PBX3: variants seen among roughly 807,000 people sequenced by gnomAD.
The protein encoded by PBX3 is pre-B-cell leukemia transcription factor 3.
A neutral mutation model predicts 48.5 loss-of-function variants in PBX3; 14 were observed. That is an observed-to-expected ratio of 0.29 (90% CI 0.19 to 0.45). The LOEUF (loss-of-function observed/expected upper bound fraction) is 0.45, where lower values mean the gene tolerates loss of function less well. PBX3 is among the 20% of genes least tolerant of loss of function. The pLI, the probability that PBX3 is intolerant of heterozygous loss-of-function variation, is 1.00. For synonymous variants in PBX3, 210 were observed against 200.3 expected, an observed-to-expected ratio of 1.05 and a Z score of -0.41; for missense variants, 386 against 546.7, an observed-to-expected ratio of 0.71 and a Z score of 2.93.
intron 2 of PBX3, among the ~76,000 whole-genome samples, chr9:125,763,849 CCT>C (rs1836733465): frequency 1.3e-5 from 2 of 152,182 alleles, no homozygotes; most frequent in Non-Finnish European, 2.9e-5. Flanking sequence ...AGCAATTTTT[CCT>C]CTCTGGTTTT....
intron 2 of PBX3, among the ~76,000 whole-genome samples, chr9:125,822,695 G>A (rs1384396533): frequency 2.6e-5 from 4 of 152,038 alleles, no homozygotes; most frequent in Non-Finnish European, 5.9e-5. Context: ...AACTTGGATT[G>A]TAATTTGAAT....
chr9:125,852,564 G>C (rs1839612000), intron 2 of PBX3, among the ~76,000 whole-genome samples: 1 of 152,148 alleles, frequency 6.6e-6, no homozygotes, highest in South Asian at 2.1e-4. Context: ...TAAACAGCCT[G>C]AATGTGTACT....
chr9:125,833,853 G>C (rs1420316915), intron 2 of PBX3, among the ~76,000 whole-genome samples: 1 of 152,066 alleles, frequency 6.6e-6, no homozygotes, highest in Admixed American at 6.5e-5. Context: ...TTTTTCTTTG[G>C]TATATACCTT....
At chr9:125,961,604 T>G (rs2118820830) in intron 6 of PBX3, among the ~76,000 whole-genome samples, 1 of 152,238 alleles carries the variant, frequency 6.6e-6, no homozygotes, top group East Asian at 1.9e-4. Context: ...TTTTGTTTGT[T>G]TTGTCTTGTC....
chr9:125,834,931 C>G (rs894708191), intron 2 of PBX3, among the ~76,000 whole-genome samples: 1 of 136,288 alleles, frequency 7.3e-6, no homozygotes. Flanking sequence ...GCAGGAGAAT[C>G]GCTTGAATCT....
Position 125,919,298 on chromosome 9 carries a change from C to A in PBX3, c.516+3371C>A, listed in dbSNP as rs1009893686. On this transcript the variant is annotated intron_variant, in intron 3 of 8. Coordinates refer to ENST00000373489, the MANE Select transcript of PBX3 (RefSeq NM_006195.6). Reference sequence around the variant, plus strand: ...GTGCAATCTCGGCTCACTGCGACCTCCGCTTCCCAGGTTCAAGCAATTCTC... The same window carrying A: ...GTGCAATCTCGGCTCACTGCGACCTACGCTTCCCAGGTTCAAGCAATTCTC... 1.1e-4 allele frequency among the ~76,000 whole-genome samples: 17 copies of A among 151,632 alleles called. 1 individual carries two copies.
intron 3 of PBX3, among the ~76,000 whole-genome samples, chr9:125,922,454 CT>C (rs1841477407): frequency 6.6e-6 from 1 of 152,090 alleles, no homozygotes; most frequent in African/African-American, 2.4e-5. Flanking sequence ...TCAAGGCATA[CT>C]TTTATTTCCC....
chr9:125,942,093 A>G (rs1212008303), intron 5 of PBX3, among the ~76,000 whole-genome samples: 1 of 152,272 alleles, frequency 6.6e-6, no homozygotes, highest in East Asian at 1.9e-4. Flanking sequence ...ATAATAGTCT[A>G]ATATAAATAA....
At chr9:125,844,295 T>A (rs1212901316) in intron 2 of PBX3, among the ~76,000 whole-genome samples, 1 of 151,676 alleles carries the variant, frequency 6.6e-6, no homozygotes, top group East Asian at 1.9e-4. Flanking sequence ...GCCACCTTTT[T>A]TTTTTTTTTT....
At chr9:125,949,456 C>G (rs572427208) in intron 5 of PBX3, 3 of 1,550,578 alleles carry the variant, frequency 1.9e-6, no homozygotes, top group Non-Finnish European at 2.6e-6. Context: ...TATTCACAGG[C>G]TCCCTGAAGG....
In PBX3 at chr9:125,747,440, C is replaced by T; in HGVS notation, c.-14C>T. On this transcript the variant is annotated 5_prime_UTR_variant, in exon 1 of 9. Transcript: ENST00000373489. ...CGCCTCAGCCGCCGCCCGCTCCCGC[C>T]CGCGCGCGGCGGGATGGACGATCAA... 7 of 1,471,426 alleles carry T rather than the reference C, an allele frequency of 4.8e-6. No homozygotes were observed. Among genetic ancestry groups the T allele is most frequent in the South Asian group, 1.3e-5 (1 of 74,410 alleles). The allele number at this position is 1,471,426 out of a possible 1,614,324, so 91.1% of individuals were successfully genotyped here. A position where few individuals can be genotyped will look rare whatever the true frequency, so the allele number is the denominator to read the frequency against.
chr9:125,822,935 T>C (rs905707505), intron 2 of PBX3, among the ~76,000 whole-genome samples: 1 of 151,940 alleles, frequency 6.6e-6, no homozygotes. Flanking sequence ...TCAATAGTTA[T>C]ATAACTTGTG....
chr9:125,821,361 A>G (rs924725878), intron 2 of PBX3, among the ~76,000 whole-genome samples: 4 of 152,148 alleles, frequency 2.6e-5, no homozygotes, highest in African/African-American at 9.7e-5. Flanking sequence ...ATAAATTTCA[A>G]TTACATTTTT....
intron 2 of PBX3, among the ~76,000 whole-genome samples, chr9:125,791,797 G>C (rs1234430459): frequency 6.6e-6 from 1 of 151,978 alleles, no homozygotes; most frequent in Non-Finnish European, 1.5e-5. Context: ...TTAGCCGGGC[G>C]TGGTGGCAGG....
At chr9:125,784,272 G>T (rs1209516537) in intron 2 of PBX3, among the ~76,000 whole-genome samples, 2 of 152,122 alleles carry the variant, frequency 1.3e-5, no homozygotes, top group African/African-American at 4.8e-5. Context: ...GGGATTACAG[G>T]CGTATGGCAC....
intron 2 of PBX3, among the ~76,000 whole-genome samples, chr9:125,907,003 A>T (rs1020845002): frequency 6.6e-6 from 1 of 152,018 alleles, no homozygotes; most frequent in Non-Finnish European, 1.5e-5. Context: ...ACACATGGCT[A>T]TTCTTTACAT....
At chr9:125,960,483 C>T (rs568158662) in intron 5 of PBX3, among the ~76,000 whole-genome samples, 27 of 152,248 alleles carry the variant, frequency 1.8e-4, no homozygotes, top group African/African-American at 5.5e-4. Flanking sequence ...AAGAAAGCAG[C>T]GTTATTCCAA....
chr9:125,916,696 C>A (rs867914364), intron 3 of PBX3, among the ~76,000 whole-genome samples: 37 of 152,000 alleles, frequency 2.4e-4, no homozygotes, highest in Non-Finnish European at 4.1e-4. Context: ...TGGAGAAAAA[C>A]AAGAGAGTCT....
intron 5 of PBX3, among the ~76,000 whole-genome samples, chr9:125,955,136 G>C (rs924433533): frequency 5.3e-5 from 8 of 151,982 alleles, no homozygotes; most frequent in African/African-American, 1.9e-4. Flanking sequence ...GGATGGGAGG[G>C]CAGCCTCACT....
Sources: allele counts gnomAD v4.1 joint callset (sites outside exome capture counted in the v4.1 genomes callset), GRCh38; gene constraint gnomAD v4.1.1; transcripts MANE v1.5; gene names NCBI Gene and HGNC (gene_info 2026-07-23, HGNC 2026-07-21).